Variants in CELF4 observed in about 807,000 individuals in gnomAD.
The protein encoded by CELF4 is CUGBP Elav-like family member 4, also known as CUG-BP- and ETR-3-like factor 4.
CELF4 carries 18 observed loss-of-function variants against 59.9 expected under a neutral mutation model. The ratio of observed to expected loss-of-function variants is 0.30; its 90% CI spans 0.21 to 0.45. The LOEUF is 0.45. CELF4 is among the 20% of genes least tolerant of loss of function. The pLI, the probability that CELF4 is intolerant of heterozygous loss-of-function variation, is 1.00. For missense variants in CELF4, 456 were observed against 689.0 expected (o/e 0.66, Z 3.79); for synonymous variants, 261 against 267.1 (o/e 0.98, Z 0.22).
intron 3 of CELF4, chr18:37,275,601 C>A: frequency 3.7e-6 from 1 of 269,146 alleles, no homozygotes; most frequent in Non-Finnish European, 7.2e-6. Context: ...ACACGGGCAG[C>A]CTGCGTTCCC....
At position 37,403,000 on chromosome 18, in the gene CELF4, G is replaced by A. The variant is rs1482552427; in HGVS notation, c.370-81119C>T. On this transcript the variant is annotated intron_variant, in intron 2 of 12. Transcript: ENST00000420428. ...CATGTGGCTTCTTGTGGCTCCGTGG[G>A]GGTGGCATCTTTTCCCTCACTGGGC... Among the ~76,000 whole-genome samples, 3 of 152,222 alleles carry A rather than the reference G, an allele frequency of 2.0e-5. No homozygotes were observed. In the East Asian group the frequency reaches 5.8e-4, roughly 29 times the overall value.
At chr18:37,313,550 CA>C (rs1347094646) in intron 3 of CELF4, among the ~76,000 whole-genome samples, 1 of 152,142 alleles carries the variant, frequency 6.6e-6, no homozygotes, top group Non-Finnish European at 1.5e-5. Context: ...AACCCAGTAC[CA>C]AAAGTCAGCA....
rs745428600 is a variant in CELF4, at chr18:37,565,581, T to C, written c.61A>G (p.Asn21Asp). 6.2e-7 allele frequency: 1 copy of C among 1,613,922 alleles called. No individual in the cohort carries two copies. The highest frequency in any genetic ancestry group is 8.5e-7 in the Non-Finnish European group (1 of 1,179,932). ...GQADNASLSTNGLGSSPGSAG... is the reference protein window; with the variant it reads ...GQADNASLSTDGLGSSPGSAG... ...CTGCCCGGGCTGCTGCCGAGCCCGT[T>C]GGTACTGAGGCTTGCGTTGTCAGCC... The change falls in exon 1 of 13, where the codon AAC becomes GAC. Residue 21 changes from asparagine to aspartate, a missense_variant. This residue lies in a region of CELF4 where 70 missense variants were observed against 69.5 expected (regional missense o/e 1.01). Transcript: ENST00000420428.
At chr18:37,285,079 T>A (rs1205117221) in intron 3 of CELF4, among the ~76,000 whole-genome samples, 1 of 152,172 alleles carries the variant, frequency 6.6e-6, no homozygotes, top group African/African-American at 2.4e-5. Context: ...AGGGCTTTGG[T>A]TGAGAGCCCC....
chr18:37,342,770 A>T (rs148099749), intron 2 of CELF4, among the ~76,000 whole-genome samples: 3 of 152,376 alleles, frequency 2.0e-5, no homozygotes, highest in South Asian at 4.1e-4. Context: ...GTAGATAAAG[A>T]TGTGTTGTGA....
intron 2 of CELF4, among the ~76,000 whole-genome samples, chr18:37,417,714 C>G (rs2099540869): frequency 6.6e-6 from 1 of 152,194 alleles, no homozygotes; most frequent in Non-Finnish European, 1.5e-5. Flanking sequence ...AGATGCCATC[C>G]TCACCAGGAC....
chr18:37,280,077 C>T (rs979777960), intron 3 of CELF4, among the ~76,000 whole-genome samples: 4 of 152,204 alleles, frequency 2.6e-5, no homozygotes, highest in South Asian at 4.1e-4. Flanking sequence ...CGCTTGGACC[C>T]AGAGAGGGCA....
intron 2 of CELF4, among the ~76,000 whole-genome samples, chr18:37,381,279 C>T (rs2099037889): frequency 6.6e-6 from 1 of 152,224 alleles, no homozygotes; most frequent in Non-Finnish European, 1.5e-5. Context: ...AGAATGTAAG[C>T]AATCTATTAG....
intron 3 of CELF4, 90 bp from the exon 4 acceptor site, chr18:37,275,333 G>T: frequency 2.7e-6 from 4 of 1,501,890 alleles, no homozygotes; most frequent in South Asian, 1.3e-5. Context: ...GGCAGGGAAA[G>T]GGAGGAGCCG....
At chr18:37,503,671 T>C (rs2154603982) in intron 1 of CELF4, among the ~76,000 whole-genome samples, 1 of 152,344 alleles carries the variant, frequency 6.6e-6, no homozygotes, top group Non-Finnish European at 1.5e-5. Flanking sequence ...CCACCAAGGT[T>C]TGATAAATCT....
At chr18:37,333,568 G>A (rs1435456104) in intron 2 of CELF4, among the ~76,000 whole-genome samples, 2 of 152,090 alleles carry the variant, frequency 1.3e-5, no homozygotes, top group Admixed American at 6.5e-5. Flanking sequence ...GAATGGGGTA[G>A]GGAGGCCACG....
chr18:37,443,827 G>A (rs968602953), intron 2 of CELF4, among the ~76,000 whole-genome samples: 1 of 152,134 alleles, frequency 6.6e-6, no homozygotes, highest in African/African-American at 2.4e-5. Context: ...CCCTCCATTC[G>A]CCAGATATTT....
chr18:37,363,405 T>C (rs1291205569), intron 2 of CELF4, among the ~76,000 whole-genome samples: 2 of 152,158 alleles, frequency 1.3e-5, no homozygotes, highest in East Asian at 3.9e-4. Context: ...CAAACATTCT[T>C]CACGTGAGAG....
chr18:37,565,539 C>T lies in CELF4; in HGVS notation c.103G>A (p.Gly35Arg). 3.1e-6 allele frequency: 5 copies of T among 1,614,182 alleles called. No homozygotes were observed. The highest frequency in any genetic ancestry group is 4.2e-6 in the Non-Finnish European group (5 of 1,180,028). Residue 35 changes from glycine to arginine, a missense_variant, in exon 1 of 13, where the codon GGA (glycine) becomes AGA (arginine). Physicochemically the swap from Gly to Arg is moderately radical, Grantham distance 125. Around this residue, in one of 7 missense-constraint regions of CELF4, gnomAD observed 70 missense variants for 69.5 expected, o/e 1.01. Coordinates refer to ENST00000420428, the MANE Select transcript of CELF4 (RefSeq NM_020180.4). ...SSPGSAGHMN[G>R]LSHSPGNPST... ...GGGTTCCCCGGGCTGTGGCTTAATC[C>T]GTTCATGTGCCCGGCACTGCCCGGG...
chr18:37,407,539 G>A (rs895116280), intron 2 of CELF4, among the ~76,000 whole-genome samples: 30 of 151,924 alleles, frequency 2.0e-4, no homozygotes, highest in Non-Finnish European at 3.7e-4. Context: ...GTACATGTGT[G>A]TATATATGTA....
At chr18:37,314,357 C>A (rs111827593) in intron 3 of CELF4, among the ~76,000 whole-genome samples, 40,598 of 151,996 alleles carry the variant, frequency 0.27, 5,599 homozygotes, top group Middle Eastern at 0.36. Context: ...CTGGGGGCTG[C>A]GGCAGGAGGA....
At chr18:37,397,162 C>A (rs1010210031) in intron 2 of CELF4, among the ~76,000 whole-genome samples, 1 of 152,218 alleles carries the variant, frequency 6.6e-6, no homozygotes, top group Admixed American at 6.5e-5. Context: ...CTGCTGTCCT[C>A]TCTGCAGACA....
intron 2 of CELF4, among the ~76,000 whole-genome samples, chr18:37,458,387 G>T (rs569008025): frequency 6.6e-6 from 1 of 152,194 alleles, no homozygotes; most frequent in South Asian, 2.1e-4. Context: ...TCCCCATGGT[G>T]GGGACTGGCC....
intron 12 of CELF4, among the ~76,000 whole-genome samples, chr18:37,251,442 A>G (rs1313936954): frequency 6.6e-6 from 1 of 152,236 alleles, no homozygotes; most frequent in East Asian, 1.9e-4. Flanking sequence ...AATTCTTCTA[A>G]CCTAGAGGTT....
Sources: allele counts gnomAD v4.1 joint callset (sites outside exome capture counted in the v4.1 genomes callset), GRCh38; gene constraint gnomAD v4.1.1; regional missense constraint gnomAD v4.1.1; transcripts MANE v1.5; gene names NCBI Gene and HGNC (gene_info 2026-07-23, HGNC 2026-07-21).